Variants in LIN9 observed in about 807,000 individuals in gnomAD.
LIN9 encodes the protein lin-9 DREAM MuvB core complex component.
A neutral mutation model predicts 78.0 loss-of-function variants in LIN9; 18 were observed. The observed-to-expected ratio is 0.23, with a 90% CI of 0.16 to 0.34. The LOEUF (loss-of-function observed/expected upper bound fraction) is 0.34. LIN9 is among the 10% of genes least tolerant of loss of function. LIN9 has a pLI of 1.00. For missense variants in LIN9, 451 were observed against 644.1 expected (o/e 0.70, Z 3.25); for synonymous variants, 192 against 215.2 (o/e 0.89, Z 0.94).
At chr1:226,290,858 C>G (rs1328818667) in intron 4 of LIN9, among the ~76,000 whole-genome samples, 3 of 151,498 alleles carry the variant, frequency 2.0e-5, no homozygotes, top group African/African-American at 7.3e-5. Context: ...CCAGGTTCAA[C>G]CTATTCTCAT....
upstream of LIN9, chr1:226,309,262 TC>T: frequency 8.3e-7 from 1 of 1,202,488 alleles, no homozygotes. Context: ...GCTGCGCTGC[TC>T]CCGCCGCGGC....
chr1:226,292,699 G>A (rs1170942365), intron 4 of LIN9, among the ~76,000 whole-genome samples: 3 of 152,106 alleles, frequency 2.0e-5, no homozygotes, highest in African/African-American at 4.8e-5. Context: ...GAGCTCAAGC[G>A]ATCCTCCCAC....
chr1:226,237,579 C>T (rs1051595934), intron 12 of LIN9, among the ~76,000 whole-genome samples: 3 of 149,234 alleles, frequency 2.0e-5, no homozygotes, highest in African/African-American at 7.5e-5. Context: ...TTGCAGTGGG[C>T]CGAGATGATG....
intron 6 of LIN9, among the ~76,000 whole-genome samples, chr1:226,284,948 A>AC (rs2102620954): frequency 6.6e-6 from 1 of 152,246 alleles, no homozygotes; most frequent in East Asian, 1.9e-4. Context: ...TGATTTTTAA[A>AC]ATTAAGATAT....
chr1:226,259,305 T>C (rs915548525), intron 10 of LIN9, among the ~76,000 whole-genome samples: 2 of 152,106 alleles, frequency 1.3e-5, no homozygotes, highest in African/African-American at 4.8e-5. Context: ...CATCAAAACA[T>C]GAGGCAAAAT....
At chr1:226,277,216 G>GAAAAAAAAAA (rs71168975) in intron 7 of LIN9, among the ~76,000 whole-genome samples, 1 of 91,456 alleles carries the variant, frequency 1.1e-5, no homozygotes, top group Non-Finnish European at 2.2e-5. Flanking sequence ...GTCTCAAAAA[G>GAAAAAAAAAA]AAAAAAAAAA....
At chr1:226,245,297 C>T (rs1206219417) in intron 11 of LIN9, among the ~76,000 whole-genome samples, 1 of 152,172 alleles carries the variant, frequency 6.6e-6, no homozygotes, top group East Asian at 1.9e-4. Context: ...GAGACTGAGG[C>T]ATAAGAATTG....
chr1:226,281,694 T>G (rs1001261835), intron 6 of LIN9, among the ~76,000 whole-genome samples: 9 of 151,654 alleles, frequency 5.9e-5, no homozygotes, highest in Non-Finnish European at 5.9e-5. Flanking sequence ...TTTTTTTTCT[T>G]TTTCTTTTTT....
At chr1:226,260,628 GTTTTT>G (rs559460640) in intron 10 of LIN9, among the ~76,000 whole-genome samples, 822 of 73,470 alleles carry the variant, frequency 0.011, 111 homozygotes, top group South Asian at 0.022. Context: ...GGCCAAATGA[GTTTTT>G]TTTTTTTTTT....
chr1:226,252,096 G>T (rs909702984), intron 10 of LIN9, among the ~76,000 whole-genome samples: 2 of 151,908 alleles, frequency 1.3e-5, no homozygotes. Context: ...CGTGAGTCTA[G>T]GAGTTTGAGA....
At chr1:226,277,989 A>C in intron 6 of LIN9, 57 bp from the exon 7 acceptor site, 1 of 1,437,036 alleles carries the variant, frequency 7.0e-7, no homozygotes, top group Non-Finnish European at 9.5e-7. Flanking sequence ...AAAAACTTAA[A>C]ATCTTTTTTT....
At position 226,231,839 on chromosome 1, in the gene LIN9, T is replaced by C. The variant is rs1657355271; in HGVS notation, c.*662A>G. 2 of 249,198 alleles carry C rather than the reference T, an allele frequency of 8.0e-6. No individual in the cohort carries two copies. Among genetic ancestry groups the C allele is most frequent in the Admixed American group, 1.1e-4 (2 of 18,762 alleles). 15.4% of individuals were successfully genotyped at this position (249,198 alleles called of 1,614,324 possible). A position where few individuals can be genotyped will look rare whatever the true frequency, so the allele number is the denominator to read the frequency against. On this transcript the variant is annotated 3_prime_UTR_variant, in exon 15 of 15. Transcript: ENST00000681046. The stretch of plus-strand genomic sequence containing the variant: ...CACCTTTTTTCCCCCTGTTCCTTCA[T>C]TTTCTTTCAACAAACAACAAAGGTT...
In LIN9 at chr1:226,290,761, T is replaced by A. The variant is rs187839849; in HGVS notation, c.265-2964A>T. ...ACCAGTACAATTTCTTTCCTTTTTTTAAAAAAATTTTTTAACACAGCGTCT... is the reference window on the plus strand; with the variant it reads ...ACCAGTACAATTTCTTTCCTTTTTTAAAAAAAATTTTTTAACACAGCGTCT... On this transcript the variant is annotated intron_variant, in intron 4 of 14. Coordinates refer to ENST00000681046, the MANE Select transcript of LIN9 (RefSeq NM_001366245.2). Among the ~76,000 whole-genome samples, 506 of 152,180 alleles carry A rather than the reference T, an allele frequency of 3.3e-3. 3 individuals carry two copies. The highest frequency in any genetic ancestry group is 0.011 in the African/African-American group (470 of 41,510).
At chr1:226,249,246 G>A (rs1457841279) in intron 11 of LIN9, among the ~76,000 whole-genome samples, 2 of 152,146 alleles carry the variant, frequency 1.3e-5, no homozygotes, top group African/African-American at 4.8e-5. Flanking sequence ...TAGAACTGAT[G>A]GAAACCAAGA....
chr1:226,243,020 T>C (rs983792153), intron 11 of LIN9, among the ~76,000 whole-genome samples: 1 of 152,240 alleles, frequency 6.6e-6, no homozygotes, highest in Non-Finnish European at 1.5e-5. Flanking sequence ...TGGTCAACAG[T>C]AGGCTATTAG....
intron 12 of LIN9, among the ~76,000 whole-genome samples, chr1:226,233,799 TTAC>T (rs1047114562): frequency 3.9e-5 from 6 of 152,338 alleles, no homozygotes; most frequent in East Asian, 1.9e-4. Context: ...TGTTTATGTT[TTAC>T]TACATTTGAT....
At chr1:226,301,754 A>G (rs1361559) in intron 1 of LIN9, among the ~76,000 whole-genome samples, 84,773 of 151,990 alleles carry the variant, frequency 0.56, 23,948 homozygotes, top group South Asian at 0.72. Context: ...GGAGGGGTCC[A>G]CTGGATAAAA....
intron 3 of LIN9, among the ~76,000 whole-genome samples, chr1:226,297,110 G>A (rs546060879): frequency 6.6e-6 from 1 of 152,248 alleles, no homozygotes; most frequent in South Asian, 2.1e-4. Context: ...GAAGAGGAAG[G>A]GAATGAAGAT....
At chr1:226,247,181 T>C (rs1231788016) in intron 11 of LIN9, among the ~76,000 whole-genome samples, 4 of 152,166 alleles carry the variant, frequency 2.6e-5, no homozygotes, top group African/African-American at 9.6e-5. Context: ...TAGTTTTCAT[T>C]TGGTCTTTTT....
Sources: allele counts gnomAD v4.1 joint callset (sites outside exome capture counted in the v4.1 genomes callset), GRCh38; gene constraint gnomAD v4.1.1; transcripts MANE v1.5; gene names NCBI Gene and HGNC (gene_info 2026-07-23, HGNC 2026-07-21).